Variants in SACM1L observed in about 807,000 individuals in gnomAD.
SACM1L encodes phosphatidylinositol-3-phosphatase SAC1.
In SACM1L, 32 loss-of-function variants were observed where a neutral mutation model predicts 89.5. That is an observed-to-expected ratio of 0.36 (90% CI 0.27 to 0.48). The LOEUF is 0.48. SACM1L is among the 20% of genes least tolerant of loss of function. The pLI is 0.99. For missense variants in SACM1L, 543 were observed against 708.5 expected (o/e 0.77, Z 2.65); for synonymous variants, 213 against 232.8 (o/e 0.92, Z 0.77).
intron 14 of SACM1L, 23 bp downstream of exon 14, chr3:45,735,396 TA>T: frequency 6.8e-7 from 1 of 1,478,360 alleles, no homozygotes; most frequent in Non-Finnish European, 9.0e-7. Flanking sequence ...TTTTTTTTTT[TA>T]ATTGAAAAAC....
intron 11 of SACM1L, among the ~76,000 whole-genome samples, chr3:45,727,787 G>A (rs1365262085): frequency 6.6e-6 from 1 of 152,016 alleles, no homozygotes; most frequent in African/African-American, 2.4e-5. Context: ...AGTAGAGATG[G>A]GGCTTTACCG....
chr3:45,699,537 C>T (rs1001987966), intron 1 of SACM1L, among the ~76,000 whole-genome samples: 5 of 151,754 alleles, frequency 3.3e-5, no homozygotes, highest in East Asian at 3.9e-4. Flanking sequence ...ATTTGCTTGA[C>T]GTTTTTTTGA....
chr3:45,689,683 A>C (rs1450695527), intron 1 of SACM1L, 186 bp downstream of exon 1: 1 of 692,640 alleles, frequency 1.4e-6, no homozygotes, highest in Non-Finnish European at 2.4e-6. Context: ...GCCGGGAACC[A>C]GCGGCTCGCC....
intron 14 of SACM1L, among the ~76,000 whole-genome samples, chr3:45,736,067 A>C (rs141766900): frequency 2.6e-3 from 402 of 151,954 alleles, no homozygotes; most frequent in African/African-American, 9.4e-3. Context: ...ACAGGATTTC[A>C]CCATGTTGCC....
intron 11 of SACM1L, among the ~76,000 whole-genome samples, chr3:45,726,223 G>A (rs1002751140): frequency 2.0e-5 from 3 of 152,128 alleles, no homozygotes; most frequent in Non-Finnish European, 2.9e-5. Flanking sequence ...AAGTTAGAAA[G>A]TGTTCTCTCT....
Position 45,739,638 on chromosome 3 carries a change from A to G in SACM1L, c.1621A>G (p.Met541Val), listed in dbSNP as rs775821902. 1 of 1,613,946 alleles carries G rather than the reference A, an allele frequency of 6.2e-7. No homozygotes were observed. The highest frequency in any genetic ancestry group is 8.5e-7 in the Non-Finnish European group (1 of 1,179,920). ...AFSMCIICLL[M>V]AGDTWTETLA... Reference sequence around the variant, plus strand: ...TTCAATGTGCATTATCTGTTTGCTTATGGCTGGTAAGTCTGCTCCACACAT... The same window carrying G: ...TTCAATGTGCATTATCTGTTTGCTTGTGGCTGGTAAGTCTGCTCCACACAT... The change falls in exon 19 of 20, where the codon ATG (methionine) becomes GTG (valine). Residue 541 changes from methionine (M) to valine (V), a missense_variant. Physicochemically the swap from Met to Val is conservative, Grantham distance 21 (BLOSUM62 1). Around this residue, in one of 2 missense-constraint regions of SACM1L, gnomAD observed 370 missense variants for 527.6 expected, o/e 0.70. Transcript: ENST00000389061.
At chr3:45,691,535 A>T (rs1697987767) in intron 1 of SACM1L, among the ~76,000 whole-genome samples, 1 of 152,076 alleles carries the variant, frequency 6.6e-6, no homozygotes, top group African/African-American at 2.4e-5. Context: ...TGCAAAAGAG[A>T]TAGTTCGATT....
chr3:45,701,785 G>A (rs2742437), intron 1 of SACM1L, among the ~76,000 whole-genome samples: 63,023 of 151,934 alleles, frequency 0.41, 14,884 homozygotes, highest in Middle Eastern at 0.56. Flanking sequence ...CTCCCTTCCT[G>A]CACAAGTTAA....
intron 1 of SACM1L, among the ~76,000 whole-genome samples, chr3:45,699,171 T>G (rs1268486951): frequency 6.6e-6 from 1 of 152,142 alleles, no homozygotes; most frequent in Non-Finnish European, 1.5e-5. Context: ...ATCTACTTTT[T>G]TAAGCAACTT....
intron 19 of SACM1L, 40 bp downstream of exon 19, chr3:45,739,684 T>G: frequency 6.3e-7 from 1 of 1,587,258 alleles, no homozygotes; most frequent in Non-Finnish European, 8.7e-7. Context: ...GTTAGAATGT[T>G]GACCTTTCTT....
chr3:45,735,505 C>T (rs1699178288), intron 14 of SACM1L, 132 bp downstream of exon 14: 2 of 841,940 alleles, frequency 2.4e-6, no homozygotes, highest in African/African-American at 3.4e-5. Context: ...GTGTCTTGCC[C>T]ATGGATGTCA....
chr3:45,718,721 A>G (rs1698721584), intron 7 of SACM1L, among the ~76,000 whole-genome samples: 1 of 152,192 alleles, frequency 6.6e-6, no homozygotes, highest in African/African-American at 2.4e-5. Flanking sequence ...CATAATAAAA[A>G]CATTTAATGT....
chr3:45,721,688 A>G (rs1250664652), intron 8 of SACM1L, among the ~76,000 whole-genome samples: 1 of 152,084 alleles, frequency 6.6e-6, no homozygotes, highest in African/African-American at 2.4e-5. Flanking sequence ...TTTTTCTTTA[A>G]AAGATGTCTC....
rs1184867222 is a variant in SACM1L, at chr3:45,738,607, T to A, written c.1412T>A (p.Ile471Lys). The change falls in exon 17 of 20, where the codon ATA becomes AAA. Residue 471 changes from isoleucine (I) to lysine (K), a missense_variant. Physicochemically the swap from Ile to Lys is moderately radical, Grantham distance 102. Coordinates refer to ENST00000389061, the MANE Select transcript of SACM1L (RefSeq NM_014016.5). ...GGAAAGAGAACTCATTTGGGACTTA[T>A]AATGGATGGCTGGAACTCAATGATA... ...RTGKRTHLGL[I>K]MDGWNSMIRY... 1 of 1,612,796 alleles carries A rather than the reference T, an allele frequency of 6.2e-7. No homozygotes were observed. The highest frequency in any genetic ancestry group is 8.5e-7 in the Non-Finnish European group (1 of 1,179,014).
intron 6 of SACM1L, chr3:45,713,402 A>C: frequency 1.0e-5 from 4 of 398,336 alleles, no homozygotes; most frequent in Non-Finnish European, 1.8e-5. Flanking sequence ...TCTTCTATAG[A>C]AGCCTTAAAT....
chr3:45,736,004 C>T (rs1386652263), intron 14 of SACM1L, among the ~76,000 whole-genome samples: 1 of 152,042 alleles, frequency 6.6e-6, no homozygotes, highest in African/African-American at 2.4e-5. Flanking sequence ...AAAGCTGGGG[C>T]TACAGGCATG....
intron 11 of SACM1L, among the ~76,000 whole-genome samples, chr3:45,725,773 C>T (rs536506479): frequency 6.6e-6 from 1 of 151,012 alleles, no homozygotes; most frequent in Non-Finnish European, 1.5e-5. Context: ...TTGTCTTATT[C>T]CTTTTCTTAG....
intron 1 of SACM1L, among the ~76,000 whole-genome samples, chr3:45,702,185 A>G (rs1280525101): frequency 3.9e-5 from 6 of 152,228 alleles, no homozygotes; most frequent in African/African-American, 1.4e-4. Context: ...TATTTGGGTA[A>G]TTAAGGATTG....
chr3:45,696,430 G>C (rs1035428135), intron 1 of SACM1L, among the ~76,000 whole-genome samples: 1 of 152,204 alleles, frequency 6.6e-6, no homozygotes, highest in Non-Finnish European at 1.5e-5. Flanking sequence ...ATGAATGTGA[G>C]TATACAAATA....
Sources: allele counts gnomAD v4.1 joint callset (sites outside exome capture counted in the v4.1 genomes callset), GRCh38; gene constraint gnomAD v4.1.1; regional missense constraint gnomAD v4.1.1; transcripts MANE v1.5; gene names NCBI Gene and HGNC (gene_info 2026-07-23, HGNC 2026-07-21).